MSRA: variants seen among roughly 807,000 people sequenced by gnomAD.
MSRA encodes the protein methionine sulfoxide reductase A.
Under a neutral mutation model 31.3 loss-of-function variants are expected in MSRA, and 54 were observed. That is an observed-to-expected ratio of 1.73 (90% CI 1.39 to 2.17). The LOEUF (loss-of-function observed/expected upper bound fraction) is 2.17. Among genes scored for constraint, MSRA ranks in the 30% most tolerant of loss-of-function variants. The pLI is 0.00. For synonymous variants in MSRA, 169 were observed against 116.5 expected (o/e 1.45, Z -2.90); for missense variants, 507 against 300.9 (o/e 1.69, Z -5.07).
intron 1 of MSRA, among the ~76,000 whole-genome samples, chr8:10,098,035 TA>T (rs34260201): frequency 2.6e-5 from 4 of 152,018 alleles, no homozygotes; most frequent in African/African-American, 7.2e-5. Context: ...AAGCTTTTTT[TA>T]AAAAAAAGTG....
intron 3 of MSRA, among the ~76,000 whole-genome samples, chr8:10,279,110 C>G (rs983562718): frequency 2.0e-5 from 3 of 152,174 alleles, no homozygotes; most frequent in African/African-American, 7.2e-5. Context: ...TTACCAGGCT[C>G]TGCTACTAAA....
At chr8:10,126,325 G>C (rs1471313458) in intron 1 of MSRA, among the ~76,000 whole-genome samples, 1 of 152,070 alleles carries the variant, frequency 6.6e-6, no homozygotes, top group Non-Finnish European at 1.5e-5. Flanking sequence ...AAGTAAAATA[G>C]TACCTGAAAT....
chr8:10,151,369 C>T (rs375433753), intron 1 of MSRA, among the ~76,000 whole-genome samples: 21 of 151,712 alleles, frequency 1.4e-4, no homozygotes, highest in South Asian at 4.2e-4. Flanking sequence ...GCAGGCCGGG[C>T]GTGGTGGCTC....
chr8:10,166,859 G>A (rs1178574706), intron 1 of MSRA, among the ~76,000 whole-genome samples: 1 of 152,140 alleles, frequency 6.6e-6, no homozygotes, highest in Non-Finnish European at 1.5e-5. Flanking sequence ...AAGCATCTTA[G>A]CATCATCTGG....
At chr8:10,330,206 TAC>T (rs58184031) in intron 5 of MSRA, among the ~76,000 whole-genome samples, 25 of 148,142 alleles carry the variant, frequency 1.7e-4, no homozygotes, top group African/African-American at 3.0e-4. Flanking sequence ...AAATGTGATA[TAC>T]ACACACACAC....
rs182527451 is a variant in MSRA, at chr8:10,387,749, C to A, written c.544-40399C>A. ...ATGGTGATGACTTTTAGTCTTTTCTCCTGTAGTTCATCTTTCCTAGTTATT... is the reference window on the plus strand; with the variant it reads ...ATGGTGATGACTTTTAGTCTTTTCTACTGTAGTTCATCTTTCCTAGTTATT... On this transcript the variant is annotated intron_variant, in intron 5 of 5. Transcript: ENST00000317173. Among the ~76,000 whole-genome samples the A allele has an allele frequency of 5.9e-5, 9 of 152,300 alleles. No homozygotes were observed. The East Asian group carries it at 1.5e-3, about 26-fold the overall frequency.
At chr8:10,292,471 A>G (rs916635198) in intron 3 of MSRA, among the ~76,000 whole-genome samples, 3 of 152,182 alleles carry the variant, frequency 2.0e-5, no homozygotes, top group Non-Finnish European at 4.4e-5. Context: ...CCGGGTGTGG[A>G]AGGAAACACC....
rs552845867 is a variant in MSRA, at chr8:10,106,808, GCTACCCACCCAC to G, written c.142+52156_142+52167del. On this transcript the variant is annotated intron_variant, in intron 1 of 5. Coordinates refer to ENST00000317173, the MANE Select transcript of MSRA (RefSeq NM_012331.5). ...TGTCCTTAGGTCATTCCTTCTGTCT[GCTACCCACCCAC>G]CTACCTACCCACTCACACACCCACC... 4.1e-3 allele frequency among the ~76,000 whole-genome samples: 621 copies of G among 151,880 alleles called. 3 individuals are homozygous for G. The highest frequency in any genetic ancestry group is 0.014 in the African/African-American group (584 of 41,418).
At chr8:10,232,776 T>A (rs1161712794) in intron 2 of MSRA, among the ~76,000 whole-genome samples, 1 of 152,208 alleles carries the variant, frequency 6.6e-6, no homozygotes, top group Non-Finnish European at 1.5e-5. Context: ...AATCTTAAGG[T>A]AATTCTAAAT....
intron 5 of MSRA, among the ~76,000 whole-genome samples, chr8:10,413,675 AG>A (rs1283476411): frequency 5.3e-4 from 80 of 151,532 alleles, no homozygotes; most frequent in African/African-American, 1.7e-3. Flanking sequence ...AAAAAAAAAA[AG>A]AACTAAGTAG....
At chr8:10,218,337 G>A (rs576381364) in intron 2 of MSRA, among the ~76,000 whole-genome samples, 1 of 151,736 alleles carries the variant, frequency 6.6e-6, no homozygotes, top group Non-Finnish European at 1.5e-5. Flanking sequence ...GTAGGGATGG[G>A]GTTTCACCAT....
intron 3 of MSRA, among the ~76,000 whole-genome samples, chr8:10,289,888 C>T (rs11249981): frequency 0.52 from 78,355 of 151,986 alleles, 20,500 homozygotes; most frequent in East Asian, 0.63. Flanking sequence ...TGAAGTTCTG[C>T]GATGCCATGG....
intron 1 of MSRA, among the ~76,000 whole-genome samples, chr8:10,139,253 C>G (rs925465884): frequency 6.6e-6 from 1 of 152,172 alleles, no homozygotes; most frequent in African/African-American, 2.4e-5. Context: ...AACATGTAAT[C>G]TGTGAATAAT....
intron 1 of MSRA, among the ~76,000 whole-genome samples, chr8:10,155,847 TAGA>T (rs1366712192): frequency 5.9e-5 from 9 of 152,198 alleles, no homozygotes; most frequent in Admixed American, 2.0e-4. Flanking sequence ...ATAACAAATA[TAGA>T]AGGAGTTAGA....
At position 10,290,370 on chromosome 8, in the gene MSRA, G is replaced by T. The variant is rs1800166451; in HGVS notation, c.332-11164G>T. ...GAAATGGTCATCTGGAGGTTGGAGT[G>T]GGCTAAACTATATAGTATGCCATTT... On this transcript the variant is annotated intron_variant, in intron 3 of 5. Coordinates refer to ENST00000317173, the MANE Select transcript of MSRA (RefSeq NM_012331.5). 2.0e-5 allele frequency among the ~76,000 whole-genome samples: 3 copies of T among 152,174 alleles called. No homozygotes were observed. The South Asian group carries it at 6.2e-4, about 32-fold the overall frequency.
rs934888849 is a variant in MSRA, at chr8:10,301,270, T to G, written c.332-264T>G. Reference sequence around the variant, plus strand: ...GAAACCTGAAAACCCACGTTTGTTTTTTCATGAACTTAAAACAATTTATTA... The same window carrying G: ...GAAACCTGAAAACCCACGTTTGTTTGTTCATGAACTTAAAACAATTTATTA... On this transcript the variant is annotated intron_variant, in intron 3 of 5. Coordinates refer to ENST00000317173, the MANE Select transcript of MSRA (RefSeq NM_012331.5). Among the ~76,000 whole-genome samples the G allele has an allele frequency of 3.9e-5, 6 of 152,304 alleles. 1 individual carries two copies. The Middle Eastern group carries it at 0.01, about 259-fold the overall frequency.
intron 3 of MSRA, among the ~76,000 whole-genome samples, chr8:10,271,758 GC>G (rs1799052776): frequency 7.2e-6 from 1 of 139,174 alleles, no homozygotes; most frequent in Non-Finnish European, 1.5e-5. Flanking sequence ...TGCTCTTGTC[GC>G]CCAGGCTGGA....
chr8:10,157,697 C>T (rs1399448231), intron 1 of MSRA, among the ~76,000 whole-genome samples: 6 of 152,008 alleles, frequency 3.9e-5, no homozygotes, highest in Non-Finnish European at 5.9e-5. Context: ...CTCATTTATA[C>T]TTTGTTCAAA....
At chr8:10,372,894 A>G (rs1348183095) in intron 5 of MSRA, among the ~76,000 whole-genome samples, 2 of 152,206 alleles carry the variant, frequency 1.3e-5, no homozygotes, top group Non-Finnish European at 2.9e-5. Flanking sequence ...TATTACTAAC[A>G]TTATTATTAT....
Sources: gnomAD v4.1 joint callset for allele counts (sites outside exome capture counted in the v4.1 genomes callset) on GRCh38, gnomAD v4.1.1 for gene constraint, MANE v1.5 for transcripts, NCBI Gene and HGNC (gene_info 2026-07-23, HGNC 2026-07-21) for gene names.